The following DACH1 variants were observed in gnomAD, a reference collection of about 807,000 sequenced individuals.
DACH1 encodes dachshund homolog 1.
Under a neutral mutation model 54.2 loss-of-function variants are expected in DACH1, and 12 were observed. The ratio of observed to expected loss-of-function variants is 0.22; its 90% CI spans 0.14 to 0.36. The LOEUF (loss-of-function observed/expected upper bound fraction) is 0.36. Ranked by LOEUF, DACH1 falls within the 10% of genes least tolerant of loss-of-function variation. The probability of loss-of-function intolerance (pLI) is 1.00; values close to 1 mark genes in which losing one functional copy is unlikely to be tolerated. For missense variants in DACH1, 805 were observed against 929.8 expected (o/e 0.87, Z 1.75); for synonymous variants, 386 against 366.2 (o/e 1.05, Z -0.62).
intron 2 of DACH1, among the ~76,000 whole-genome samples, chr13:71,658,618 C>T (rs1054280670): frequency 6.6e-6 from 1 of 152,084 alleles, no homozygotes. Context: ...TTATTTTAAT[C>T]TCCTTCACTT....
rs981157997 is a variant in DACH1 at position 71,701,831 on chromosome 13, T to C, written c.849-19921A>G. Reference sequence around the variant, plus strand: ...TGTGAAGGTTTGTTCAATTCCGTACTGTTTTACAGTGTTTGATTATATAGT... The same window carrying C: ...TGTGAAGGTTTGTTCAATTCCGTACCGTTTTACAGTGTTTGATTATATAGT... On this transcript the variant is annotated intron_variant, in intron 1 of 10. Transcript: ENST00000613252. Among the ~76,000 whole-genome samples the C allele has an allele frequency of 3.3e-5, 5 of 152,322 alleles. No homozygotes were observed. The South Asian group carries it at 6.2e-4, about 19-fold the overall frequency.
At chr13:71,471,513 CA>C in intron 10 of DACH1, among the ~76,000 whole-genome samples, 1 of 152,016 alleles carries the variant, frequency 6.6e-6, no homozygotes, top group East Asian at 1.9e-4. Flanking sequence ...GTAATCCCAG[CA>C]CTTTGGGAGG....
intron 10 of DACH1, among the ~76,000 whole-genome samples, chr13:71,443,219 A>G (rs1874161338): frequency 6.6e-6 from 1 of 151,800 alleles, no homozygotes; most frequent in South Asian, 2.1e-4. Context: ...GTTGTGTCAG[A>G]TATCAGTTGC....
intron 3 of DACH1, among the ~76,000 whole-genome samples, chr13:71,583,381 T>C (rs1220466725): frequency 1.3e-5 from 2 of 152,192 alleles, no homozygotes; most frequent in Non-Finnish European, 2.9e-5. Flanking sequence ...AAATAATGAA[T>C]GATGAAATAT....
intron 3 of DACH1, among the ~76,000 whole-genome samples, chr13:71,611,674 A>G (rs973337800): frequency 1.3e-5 from 2 of 152,184 alleles, no homozygotes; most frequent in Non-Finnish European, 2.9e-5. Flanking sequence ...TTTTTTCTAT[A>G]CCAGCAATGT....
intron 3 of DACH1, among the ~76,000 whole-genome samples, chr13:71,590,938 G>T (rs1242838114): frequency 6.7e-6 from 1 of 148,364 alleles, no homozygotes; most frequent in Non-Finnish European, 1.5e-5. Flanking sequence ...GAGTGCAGGG[G>T]CGCCATCTCA....
chr13:71,661,278 C>T (rs904647205), intron 2 of DACH1, among the ~76,000 whole-genome samples: 5 of 150,924 alleles, frequency 3.3e-5, no homozygotes, highest in Non-Finnish European at 5.9e-5. Flanking sequence ...AAATTAATTT[C>T]CTGAGATATT....
chr13:71,483,401 T>G (rs2138190710), intron 7 of DACH1, among the ~76,000 whole-genome samples: 1 of 147,198 alleles, frequency 6.8e-6, no homozygotes. Context: ...AAATTATGAT[T>G]AAATTTAATG....
intron 1 of DACH1, among the ~76,000 whole-genome samples, chr13:71,854,048 C>G (rs1275425270): frequency 6.6e-6 from 1 of 151,822 alleles, no homozygotes; most frequent in Non-Finnish European, 1.5e-5. Context: ...TGTCATGGGC[C>G]CTTATTTAAC....
chr13:71,590,875 C>CTTTTTT lies in DACH1; in HGVS notation c.1127-17869_1127-17864dup, dbSNP rs71123234. On this transcript the variant is annotated intron_variant, in intron 3 of 10. Coordinates refer to ENST00000613252, the MANE Select transcript of DACH1 (RefSeq NM_080759.6). The stretch of plus-strand genomic sequence containing the variant: ...TCTCTCTGTCTCTGTCTCTCTCTTT[C>CTTTTTT]TTTTTTTTTTTTTTTTTTTTTTTGA... Among the ~76,000 whole-genome samples, 568 of 85,008 alleles carry CTTTTTT rather than the reference C, an allele frequency of 6.7e-3. 4 individuals are homozygous for CTTTTTT. The highest frequency in any genetic ancestry group is 7.6e-3 in the African/African-American group (163 of 21,444). The allele number at this position is 85,008 out of a possible 152,430, so 55.8% of individuals were successfully genotyped here.
chr13:71,744,549 GAACA>G (rs1884529739), intron 1 of DACH1, among the ~76,000 whole-genome samples: 1 of 152,118 alleles, frequency 6.6e-6, no homozygotes, highest in Admixed American at 6.5e-5. Flanking sequence ...TAGGAACCAG[GAACA>G]AACAGACACT....
chr13:71,644,224 C>G (rs1878116588), intron 2 of DACH1, among the ~76,000 whole-genome samples: 6 of 152,116 alleles, frequency 3.9e-5, no homozygotes, highest in Admixed American at 2.6e-4. Context: ...TGTTTTAACG[C>G]AGAAATCCTT....
intron 6 of DACH1, among the ~76,000 whole-genome samples, chr13:71,509,051 G>T (rs1290867522): frequency 6.6e-6 from 1 of 152,056 alleles, no homozygotes; most frequent in South Asian, 2.1e-4. Flanking sequence ...CTACACCAGG[G>T]TGTATAAATG....
At chr13:71,710,399 A>C (rs1882659131) in intron 1 of DACH1, among the ~76,000 whole-genome samples, 1 of 151,706 alleles carries the variant, frequency 6.6e-6, no homozygotes, top group Non-Finnish European at 1.5e-5. Context: ...CCCAGAGATT[A>C]ATGAGAACTA....
chr13:71,772,910 A>G, intron 1 of DACH1, among the ~76,000 whole-genome samples: 1 of 151,842 alleles, frequency 6.6e-6, no homozygotes, highest in East Asian at 1.9e-4. Context: ...ATGAACTGCC[A>G]AGTGTTTACA....
At chr13:71,778,855 G>T (rs918433630) in intron 1 of DACH1, among the ~76,000 whole-genome samples, 3 of 151,848 alleles carry the variant, frequency 2.0e-5, no homozygotes, top group Non-Finnish European at 2.9e-5. Flanking sequence ...CATGGCATTT[G>T]TTTATCAAAT....
At chr13:71,507,604 A>G (rs770931823) in intron 6 of DACH1, among the ~76,000 whole-genome samples, 31 of 152,314 alleles carry the variant, frequency 2.0e-4, no homozygotes, top group Non-Finnish European at 3.7e-4. Flanking sequence ...GCAACACTGT[A>G]TAGAAAATAC....
At chr13:71,696,546 T>A (rs968113699) in intron 1 of DACH1, among the ~76,000 whole-genome samples, 3 of 151,644 alleles carry the variant, frequency 2.0e-5, no homozygotes. Flanking sequence ...ATTTTTCAAA[T>A]TCACTTTTTT....
At chr13:71,616,956 A>T (rs929929373) in intron 3 of DACH1, among the ~76,000 whole-genome samples, 2 of 147,516 alleles carry the variant, frequency 1.4e-5, no homozygotes, top group African/African-American at 5.1e-5. Context: ...ATCTTGGCTC[A>T]CTGCAACCTC....
Sources: allele counts gnomAD v4.1 joint callset (sites outside exome capture counted in the v4.1 genomes callset), GRCh38; gene constraint gnomAD v4.1.1; transcripts MANE v1.5; gene names NCBI Gene and HGNC (gene_info 2026-07-23, HGNC 2026-07-21).